Variants in SAMD12 observed in about 807,000 individuals in gnomAD.
The protein encoded by SAMD12 is sterile alpha motif domain containing 12, also known as sterile alpha motif domain-containing protein 12.
Under a neutral mutation model 15.0 loss-of-function variants are expected in SAMD12, and 9 were observed. The observed-to-expected ratio is 0.60, with a 90% CI of 0.36 to 1.05. SAMD12 has a LOEUF of 1.05. SAMD12 is among the 50% of genes least tolerant of loss of function. SAMD12 has a pLI of 0.01. For missense variants in SAMD12, 230 were observed against 234.2 expected (o/e 0.98, Z 0.12); for synonymous variants, 86 against 90.1 (o/e 0.96, Z 0.25).
At chr8:118,286,231 G>C (rs1409739304) in intron 4 of SAMD12, among the ~76,000 whole-genome samples, 1 of 151,890 alleles carries the variant, frequency 6.6e-6, no homozygotes, top group Non-Finnish European at 1.5e-5. Context: ...ACGAGTTAAT[G>C]GGGGCAGCAC....
intron 2 of SAMD12, among the ~76,000 whole-genome samples, chr8:118,567,729 T>A (rs1404530736): frequency 6.6e-6 from 1 of 152,204 alleles, no homozygotes; most frequent in Non-Finnish European, 1.5e-5. Context: ...TAATTATCAT[T>A]TGATCATATC....
chr8:118,515,181 G>A (rs535335005), intron 2 of SAMD12, among the ~76,000 whole-genome samples: 1 of 90,416 alleles, frequency 1.1e-5, no homozygotes, highest in African/African-American at 4.8e-5. Flanking sequence ...ACCACGCCCA[G>A]CTAATTTTTT....
At chr8:118,247,545 G>T (rs185391417) in intron 4 of SAMD12, among the ~76,000 whole-genome samples, 165 of 151,832 alleles carry the variant, frequency 1.1e-3, no homozygotes, top group African/African-American at 3.8e-3. Context: ...TATACAATTA[G>T]TGTCAATTAA....
At chr8:118,531,765 G>C (rs192867648) in intron 2 of SAMD12, among the ~76,000 whole-genome samples, 1 of 152,266 alleles carries the variant, frequency 6.6e-6, no homozygotes, top group East Asian at 1.9e-4. Flanking sequence ...TGTGATTTTT[G>C]CACACTGACT....
chr8:118,292,349 G>GACAC lies in SAMD12; in HGVS notation c.433+87207_433+87210dup, dbSNP rs3052706. Among the ~76,000 whole-genome samples, 637 of 137,718 alleles carry GACAC rather than the reference G, an allele frequency of 4.6e-3. 3 individuals are homozygous for GACAC. Among genetic ancestry groups the GACAC allele is most frequent in the Middle Eastern group, 7.5e-3 (2 of 266 alleles). 90.3% of individuals were successfully genotyped at this position (137,718 alleles called of 152,430 possible). On this transcript the variant is annotated intron_variant, in intron 4 of 4. Transcript: ENST00000409003. ...TAATGTCCAAAACTGCAAACACACA[G>GACAC]ACACACACACACACACACACACACA...
intron 4 of SAMD12, among the ~76,000 whole-genome samples, chr8:118,371,921 G>C (rs1312799579): frequency 6.6e-6 from 1 of 152,134 alleles, no homozygotes; most frequent in Non-Finnish European, 1.5e-5. Context: ...ATTAGAAAGA[G>C]AACTGAGAGA....
rs1824365738 is a variant in SAMD12 at position 118,489,129 on chromosome 8, T to G, written c.193-49168A>C. Among the ~76,000 whole-genome samples, 3 of 152,186 alleles carry G rather than the reference T, an allele frequency of 2.0e-5. No homozygotes were observed. The South Asian group carries it at 6.2e-4, about 31-fold the overall frequency. ...TAATGATTATGTGTTTATTGGCCAT[T>G]TCAATACCCCCCTTTTGTGAAGTGC... On this transcript the variant is annotated intron_variant, in intron 2 of 3. Coordinates refer to ENST00000314727, the MANE Select transcript of SAMD12 (RefSeq NM_207506.3).
At chr8:118,392,416 C>T (rs1377652100) in intron 3 of SAMD12, among the ~76,000 whole-genome samples, 6 of 152,146 alleles carry the variant, frequency 3.9e-5, no homozygotes, top group Non-Finnish European at 7.3e-5. Flanking sequence ...GGCGACAGAA[C>T]GAGACTCCGT....
intron 4 of SAMD12, among the ~76,000 whole-genome samples, chr8:118,322,667 C>T (rs191693227): frequency 8.5e-5 from 13 of 152,314 alleles, no homozygotes; most frequent in African/African-American, 1.9e-4. Flanking sequence ...TTCACATTCA[C>T]GTAGGCAGTA....
chr8:118,133,845 A>G, the SAMD12 span, among the ~76,000 whole-genome samples: 1 of 152,224 alleles, frequency 6.6e-6, no homozygotes, highest in Admixed American at 6.5e-5. Context: ...CCCATAAAAA[A>G]TTATTCTCCA....
chr8:118,508,089 G>T (rs1226781646), intron 2 of SAMD12, among the ~76,000 whole-genome samples: 1 of 149,308 alleles, frequency 6.7e-6, no homozygotes, highest in Non-Finnish European at 1.5e-5. Flanking sequence ...GAACTCCTGG[G>T]ATCAAGGGAT....
At chr8:118,547,761 T>C (rs1361777678) in intron 2 of SAMD12, among the ~76,000 whole-genome samples, 2 of 152,250 alleles carry the variant, frequency 1.3e-5, no homozygotes, top group Non-Finnish European at 2.9e-5. Context: ...ATTTTTCTAG[T>C]ATTTTTCTTT....
downstream of SAMD12, among the ~76,000 whole-genome samples, chr8:118,184,569 C>T (rs1393066835): frequency 6.6e-6 from 1 of 152,154 alleles, no homozygotes; most frequent in Admixed American, 6.5e-5. Flanking sequence ...GATCTCTGCT[C>T]ACTGCAACCT....
At chr8:118,317,071 G>A (rs1268764635) in intron 4 of SAMD12, among the ~76,000 whole-genome samples, 1 of 152,054 alleles carries the variant, frequency 6.6e-6, no homozygotes, top group African/African-American at 2.4e-5. Flanking sequence ...CATGCACAGA[G>A]GGAAGACCAT....
intron 2 of SAMD12, among the ~76,000 whole-genome samples, chr8:118,483,868 G>C (rs77735173): frequency 0.12 from 18,798 of 152,124 alleles, 1,404 homozygotes; most frequent in Non-Finnish European, 0.16. Flanking sequence ...TTAACCTGCA[G>C]AAGGTCACCC....
chr8:118,611,301 G>C (rs930439619), intron 1 of SAMD12, among the ~76,000 whole-genome samples: 3 of 152,032 alleles, frequency 2.0e-5, no homozygotes, highest in African/African-American at 7.3e-5. Context: ...ATGTAAAAAG[G>C]CTTAGAAAGC....
chr8:118,413,342 T>C (rs1821512042), intron 3 of SAMD12, among the ~76,000 whole-genome samples: 1 of 152,184 alleles, frequency 6.6e-6, no homozygotes, highest in Non-Finnish European at 1.5e-5. Flanking sequence ...AAACACTGTG[T>C]TTCTAATCAT....
At chr8:118,523,580 C>A (rs1825451308) in intron 2 of SAMD12, among the ~76,000 whole-genome samples, 1 of 152,114 alleles carries the variant, frequency 6.6e-6, no homozygotes, top group African/African-American at 2.4e-5. Context: ...CTGACAAAAC[C>A]CCAATCTTCC....
At position 118,217,057 on chromosome 8, in the gene SAMD12, G is replaced by T. The variant is rs187117616; in HGVS notation, c.434-19325C>A. Among the ~76,000 whole-genome samples the T allele has an allele frequency of 3.0e-3, 456 of 152,242 alleles. 3 individuals are homozygous for T. The highest frequency in any genetic ancestry group is 0.011 in the African/African-American group (439 of 41,538). Reference sequence around the variant, plus strand: ...TCTCGCTCTGTCACCAGGCTGGAGTGCAGTGGTGCGATCTCGGCTCACTGC... The same window carrying T: ...TCTCGCTCTGTCACCAGGCTGGAGTTCAGTGGTGCGATCTCGGCTCACTGC... On this transcript the variant is annotated intron_variant, in intron 4 of 4. Coordinates refer to the SAMD12 transcript ENST00000409003.
Sources: gnomAD v4.1 joint callset for allele counts (sites outside exome capture counted in the v4.1 genomes callset) on GRCh38, gnomAD v4.1.1 for gene constraint, MANE v1.5 for transcripts, NCBI Gene and HGNC (gene_info 2026-07-23, HGNC 2026-07-21) for gene names.